Variants in CSMD3 observed in about 807,000 individuals in gnomAD.
The protein encoded by CSMD3 is CUB and Sushi multiple domains 3.
A neutral mutation model predicts 435.2 loss-of-function variants in CSMD3; 177 were observed. The ratio of observed to expected loss-of-function variants is 0.41; its 90% confidence interval spans 0.36 to 0.46. The LOEUF is 0.46. Among genes scored for constraint, CSMD3 ranks in the 20% least tolerant of loss-of-function variants. The probability of loss-of-function intolerance (pLI) is 0.34; values close to 1 mark genes in which losing one functional copy is unlikely to be tolerated. For synonymous variants in CSMD3, 1,656 were observed against 1,520.5 expected, an observed-to-expected ratio of 1.09 and a Z score of -2.07; for missense variants, 4,265 against 4,504.6, an observed-to-expected ratio of 0.95 and a Z score of 1.52.
intron 58 of CSMD3, among the ~76,000 whole-genome samples, chr8:112,286,692 G>C (rs1045206203): frequency 6.6e-6 from 1 of 152,010 alleles, no homozygotes; most frequent in Non-Finnish European, 1.5e-5. Context: ...GAAATAAAGG[G>C]TTAGGTAGTA....
At chr8:112,798,865 G>C (rs555888718) in intron 13 of CSMD3, among the ~76,000 whole-genome samples, 2 of 151,798 alleles carry the variant, frequency 1.3e-5, no homozygotes, top group African/African-American at 4.8e-5. Context: ...CATTTAGAGG[G>C]AGAAGGGGAA....
intron 12 of CSMD3, among the ~76,000 whole-genome samples, chr8:112,829,032 G>C (rs1019055752): frequency 6.8e-6 from 1 of 146,424 alleles, no homozygotes; most frequent in Non-Finnish European, 1.5e-5. Flanking sequence ...AGAGGGAGAA[G>C]AGAATGAAAA....
intron 10 of CSMD3, among the ~76,000 whole-genome samples, chr8:112,872,782 A>G (rs893537638): frequency 1.3e-5 from 2 of 151,924 alleles, no homozygotes; most frequent in Non-Finnish European, 2.9e-5. Context: ...AACCTAGCCT[A>G]TTTTTCCCAG....
At chr8:113,355,940 A>T (rs978679973) in intron 1 of CSMD3, among the ~76,000 whole-genome samples, 1 of 150,846 alleles carries the variant, frequency 6.6e-6, no homozygotes, top group African/African-American at 2.4e-5. Flanking sequence ...GGAATTGTAT[A>T]CTTAAAAATG....
At chr8:112,474,286 C>A in intron 31 of CSMD3, among the ~76,000 whole-genome samples, 1 of 152,042 alleles carries the variant, frequency 6.6e-6, no homozygotes, top group East Asian at 1.9e-4. Flanking sequence ...GTTTGCCAAC[C>A]CCCGAACTAG....
chr8:112,377,277 TA>T (rs979571498), intron 38 of CSMD3, among the ~76,000 whole-genome samples: 1 of 151,756 alleles, frequency 6.6e-6, no homozygotes, highest in Non-Finnish European at 1.5e-5. Context: ...CCTAGAAATA[TA>T]AAAGTTACCA....
intron 2 of CSMD3, chr8:113,309,394 C>T (rs1206711898): frequency 6.6e-6 from 1 of 152,200 alleles, no homozygotes; most frequent in African/African-American, 2.4e-5. Context: ...TCCCTCCCCA[C>T]ACTATTAGTC....
intron 1 of CSMD3, among the ~76,000 whole-genome samples, chr8:113,360,471 G>T (rs146578062): frequency 1.4e-3 from 214 of 151,612 alleles, no homozygotes; most frequent in African/African-American, 5.0e-3. Context: ...GTGCTTCAAA[G>T]GACACATCAA....
rs1826967723 is a variant in CSMD3, at chr8:112,359,515, ATCCCTATATCTAGAT to A, written c.6137-6996_6137-6982del. On this transcript the variant is annotated intron_variant, in intron 38 of 70. Transcript: ENST00000297405. ...ATGAATAATATAAGAAAGAGAGTGT[ATCCCTATATCTAGAT>A]TATTTCTTAATAAATATTAATGCCT... 1.3e-5 allele frequency among the ~76,000 whole-genome samples: 2 copies of A among 152,200 alleles called. 1 individual carries two copies. The highest frequency in any genetic ancestry group is 2.9e-5 in the Non-Finnish European group (2 of 68,014).
rs1012763967 is a variant in CSMD3 at position 112,896,669 on chromosome 8, G to A, written c.1633+24958C>T. On this transcript the variant is annotated intron_variant, in intron 10 of 70. Coordinates refer to ENST00000297405, the MANE Select transcript of CSMD3 (RefSeq NM_198123.2). The stretch of plus-strand genomic sequence containing the variant: ...TATCACAATTTCTTGTCTGGACAAT[G>A]TTTGGTTTCATTCTTTATATTCCAT... Among the ~76,000 whole-genome samples the A allele has an allele frequency of 4.0e-5, 6 of 151,348 alleles. No homozygotes were observed. The South Asian group carries it at 6.2e-4, about 16-fold the overall frequency.
intron 1 of CSMD3, among the ~76,000 whole-genome samples, chr8:113,382,487 T>TA (rs1164276079): frequency 9.9e-5 from 15 of 152,136 alleles, no homozygotes; most frequent in African/African-American, 3.4e-4. Flanking sequence ...AATACTTTTG[T>TA]AAAAAATAAC....
At chr8:113,382,108 C>T (rs1005945493) in intron 1 of CSMD3, among the ~76,000 whole-genome samples, 32 of 152,100 alleles carry the variant, frequency 2.1e-4, no homozygotes, top group African/African-American at 7.7e-4. Flanking sequence ...ATCTGAACAT[C>T]TGCTTAGAGT....
Position 113,330,041 on chromosome 8 carries a change from G to C in CSMD3, c.179-15248C>G, listed in dbSNP as rs116296031. 9.6e-4 allele frequency among the ~76,000 whole-genome samples: 146 copies of C among 151,930 alleles called. 1 individual carries two copies. Among genetic ancestry groups the C allele is most frequent in the African/African-American group, 3.2e-3 (134 of 41,480 alleles). On this transcript the variant is annotated intron_variant, in intron 1 of 70. Coordinates refer to ENST00000297405, the MANE Select transcript of CSMD3 (RefSeq NM_198123.2). The stretch of plus-strand genomic sequence containing the variant: ...GCAGCTACCTAGGTGAACATGAAGA[G>C]AACCAAAAATGTACATTTTAACTGT...
intron 27 of CSMD3, among the ~76,000 whole-genome samples, chr8:112,541,480 T>C (rs1826656002): frequency 1.3e-5 from 2 of 151,644 alleles, no homozygotes; most frequent in Non-Finnish European, 2.9e-5. Flanking sequence ...AATTATATGA[T>C]TACAAGCTGG....
intron 22 of CSMD3, among the ~76,000 whole-genome samples, chr8:112,631,617 C>T (rs2074517089): frequency 6.6e-6 from 1 of 151,988 alleles, no homozygotes; most frequent in Admixed American, 6.6e-5. Flanking sequence ...CTGCTTACTT[C>T]ATAAGGTTGT....
At chr8:112,806,510 C>A (rs764102808) in intron 12 of CSMD3, among the ~76,000 whole-genome samples, 1 of 152,122 alleles carries the variant, frequency 6.6e-6, no homozygotes, top group Non-Finnish European at 1.5e-5. Flanking sequence ...GCAAAAAATC[C>A]AGAATGTGTG....
rs74751174 is a variant in CSMD3, at chr8:112,336,555, T to C, written c.7019+97A>G. ...TACTCACATCAATTCAAATATCAGA[T>C]GACAATTTGTAACAGAGGATTGTGA... is the stretch of plus-strand genomic sequence containing the variant. On this transcript the variant is annotated intron_variant, in intron 44 of 70. Coordinates refer to ENST00000297405, the MANE Select transcript of CSMD3 (RefSeq NM_198123.2). 8.2e-4 allele frequency: 781 copies of C among 958,116 alleles called. 7 individuals carry two copies. The African/African-American group carries it at 0.012, about 14-fold the overall frequency. 59.4% of individuals were successfully genotyped at this position (958,116 alleles called of 1,614,324 possible). A position where few individuals can be genotyped will look rare whatever the true frequency, so the allele number is the denominator to read the frequency against.
chr8:112,313,300 G>A (rs576796353), intron 49 of CSMD3, among the ~76,000 whole-genome samples: 1 of 152,074 alleles, frequency 6.6e-6, no homozygotes, highest in South Asian at 2.1e-4. Context: ...AAACGCTTCC[G>A]TTTTTAAAAA....
At chr8:113,374,192 G>A (rs2094364136) in intron 1 of CSMD3, among the ~76,000 whole-genome samples, 1 of 152,070 alleles carries the variant, frequency 6.6e-6, no homozygotes, top group Middle Eastern at 3.4e-3. Context: ...TTTGGCATAT[G>A]AGTATAGACA....
Sources: gnomAD v4.1 joint callset for allele counts (sites outside exome capture counted in the v4.1 genomes callset) on GRCh38, gnomAD v4.1.1 for gene constraint, MANE v1.5 for transcripts, NCBI Gene and HGNC (gene_info 2026-07-23, HGNC 2026-07-21) for gene names.